ADGRF1: variants seen among roughly 807,000 people sequenced by gnomAD.
ADGRF1 encodes the protein G protein-coupled receptor 110.
Under a neutral mutation model 87.2 loss-of-function variants are expected in ADGRF1, and 85 were observed. The observed-to-expected ratio is 0.97, with a 90% CI of 0.82 to 1.17. The LOEUF is 1.17. Ranked by LOEUF, ADGRF1 falls within the 50% of genes most tolerant of loss-of-function variation. The pLI is 0.00. For synonymous variants in ADGRF1, 430 were observed against 408.8 expected, an observed-to-expected ratio of 1.05 and a Z score of -0.63; for missense variants, 1,169 against 1,077.2, an observed-to-expected ratio of 1.09 and a Z score of -1.19.
In ADGRF1 at chr6:47,016,702, G is replaced by T; in HGVS notation, c.678C>A (p.Ala226=). Residue 226 remains alanine, a synonymous_variant, in exon 8 of 15, where the codon GCC becomes GCA. Transcript: ENST00000371253. ...TAGCCTTCTCGGCAACATGTTCAAT[G>T]GCTGACAGCAGTTCAGATGCACTGC... ...GSSSASELLS[A]IEHVAEKAKT... 1 of 1,612,472 alleles carries T rather than the reference G, an allele frequency of 6.2e-7. No homozygotes were observed. The highest frequency in any genetic ancestry group is 8.5e-7 in the Non-Finnish European group (1 of 1,178,748).
chr6:47,014,676 C>T lies in ADGRF1; in HGVS notation c.927+5G>A. On this transcript the variant is annotated splice_donor_5th_base_variant and intron_variant, in intron 9 of 14. Transcript: ENST00000371253. ...GGGCAAGTCTACACAGTGAAAATGC[C>T]TCACCTTGTTCAGTTCTTCAAGCAG... 6.2e-7 allele frequency: 1 copy of T among 1,612,514 alleles called. No homozygotes were observed. The highest frequency in any genetic ancestry group is 8.5e-7 in the Non-Finnish European group (1 of 1,179,422).
intron 8 of ADGRF1, among the ~76,000 whole-genome samples, chr6:47,015,073 T>G (rs1334965): frequency 0.22 from 32,900 of 152,082 alleles, 3,785 homozygotes; most frequent in South Asian, 0.37. Context: ...TCCTTCCAGG[T>G]GTCCGATCTG....
intron 8 of ADGRF1, among the ~76,000 whole-genome samples, chr6:47,015,837 A>G (rs1247345082): frequency 2.0e-5 from 3 of 151,722 alleles, no homozygotes; most frequent in East Asian, 3.9e-4. Flanking sequence ...ATCTCAGGCA[A>G]TCTGCCCTCT....
chr6:47,022,041 T>G lies in ADGRF1; in HGVS notation c.469A>C (p.Lys157Gln). The change falls in exon 6 of 15, where the codon AAA (lysine) becomes CAA (glutamine). Residue 157 changes from lysine (K) to glutamine (Q), a missense_variant. By Grantham distance (53) the Lys-to-Gln change is moderately conservative. Transcript: ENST00000371253. ...TCATTTGTAAACCTTTCATTAATTT[T>G]GAAAGTGCCCCAAATCTCTGTAGGA... Reference protein sequence around the residue: ...CERTKIWGTFKINERFTNDLL... With the variant: ...CERTKIWGTFQINERFTNDLL... 6.4e-7 allele frequency: 1 copy of G among 1,572,694 alleles called. No homozygotes were observed. The highest frequency in any genetic ancestry group is 8.6e-7 in the Non-Finnish European group (1 of 1,161,516).
intron 7 of ADGRF1, chr6:47,018,304 G>T: frequency 1.0e-6 from 1 of 967,362 alleles, no homozygotes; most frequent in Non-Finnish European, 1.4e-6. Context: ...GATAAGCAGT[G>T]TATCATTCCC....
At chr6:47,020,629 T>C in intron 7 of ADGRF1, 102 bp downstream of exon 7, 6 of 1,579,296 alleles carry the variant, frequency 3.8e-6, no homozygotes, top group Non-Finnish European at 5.2e-6. Flanking sequence ...AGATGACTTC[T>C]GTCCTGTTTT....
At position 47,007,253 on chromosome 6, in the gene ADGRF1, C is replaced by A. The variant is rs1275502103; in HGVS notation, c.2532G>T (p.Lys844Asn). 2 of 1,545,648 alleles carry A rather than the reference C, an allele frequency of 1.3e-6. No homozygotes were observed. The highest frequency in any genetic ancestry group is 1.8e-6 in the Non-Finnish European group (2 of 1,121,108). Residue 844 changes from lysine (K) to asparagine (N), a missense_variant and splice_region_variant, in exon 12 of 15, where the codon AAG becomes AAT. Transcript: ENST00000371253. The stretch of plus-strand genomic sequence containing the variant: ...TAATGAGAGAAATAAATACACATAC[C>A]TTACTGTCCAAGAGTATTCCAAAGC... ...ILCFGILLDS[K>N]LRQLLFNKLS...
rs1779309715 is a variant in ADGRF1 at position 46,999,787 on chromosome 6, T to C, written c.*435A>G. ...CTCTAGGAAATTTGCACTAATAACT[T>C]TTTCCCACCATCCCCCCACCAGTAA... On this transcript the variant is annotated 3_prime_UTR_variant, in exon 15 of 15. Coordinates refer to ENST00000371253, the MANE Select transcript of ADGRF1 (RefSeq NM_153840.4). The C allele has an allele frequency of 6.6e-6, 1 of 152,656 alleles. No homozygotes were observed. Among genetic ancestry groups the C allele is most frequent in the African/African-American group, 2.4e-5 (1 of 41,456 alleles). The allele number at this position is 152,656 out of a possible 1,614,324, so 9.5% of individuals were successfully genotyped here. A position where few individuals can be genotyped will look rare whatever the true frequency, so the allele number is the denominator to read the frequency against.
At position 47,009,735 on chromosome 6, in the gene ADGRF1, G is replaced by A; in HGVS notation, c.1700C>T (p.Thr567Ile). Residue 567 changes from threonine to isoleucine, a missense_variant, in exon 11 of 15, where the codon ACC (threonine) becomes ATC (isoleucine). Physicochemically the swap from Thr to Ile is moderately conservative, Grantham distance 89. Transcript: ENST00000371253. The stretch of plus-strand genomic sequence containing the variant: ...AGGTGACATCAATATGGAGAAGGAG[G>A]TCAAGTGAGTACATTGGCACGTCAC... ...DIVTCQCTHL[T>I]SFSILMSPFV... 6.2e-7 allele frequency: 1 copy of A among 1,614,206 alleles called. No homozygotes were observed. Among genetic ancestry groups the A allele is most frequent in the Non-Finnish European group, 8.5e-7 (1 of 1,180,030 alleles).
At position 47,000,270 on chromosome 6, in the gene ADGRF1, T is replaced by C. The variant is rs770402507; in HGVS notation, c.2685A>G (p.Gly895=). 2 of 1,604,380 alleles carry C rather than the reference T, an allele frequency of 1.2e-6. No individual in the cohort carries two copies. Among genetic ancestry groups the C allele is most frequent in the South Asian group, 2.2e-5 (2 of 90,164 alleles). Residue 895 remains glycine, a synonymous_variant, in exon 15 of 15, where the codon GGA becomes GGG. Coordinates refer to ENST00000371253, the MANE Select transcript of ADGRF1 (RefSeq NM_153840.4). ...TTAGCATGATGTTGTCGGAGGAATCTCCAGTATGAGAAAATGCATAATGGC... is the reference window on the plus strand; with the variant it reads ...TTAGCATGATGTTGTCGGAGGAATCCCCAGTATGAGAAAATGCATAATGGC... The part of the protein sequence containing the change: ...NKGHYAFSHT[G]DSSDNIMLTQ...
intron 1 of ADGRF1, among the ~76,000 whole-genome samples, chr6:47,036,029 G>A (rs1203947812): frequency 1.3e-5 from 2 of 152,086 alleles, no homozygotes; most frequent in East Asian, 1.9e-4. Flanking sequence ...TCAGGAGTTC[G>A]AGACCAGCCT....
In ADGRF1 at chr6:46,999,084, G is replaced by C. The variant is rs1179281434; in HGVS notation, c.*1138C>G. On this transcript the variant is annotated 3_prime_UTR_variant, in exon 15 of 15. Coordinates refer to ENST00000371253, the MANE Select transcript of ADGRF1 (RefSeq NM_153840.4). The stretch of plus-strand genomic sequence containing the variant: ...GGCTCGGGTTCCTCTGGGCACTATG[G>C]TCACGGCTGAAACTCAGGTAGGTGA... 6.6e-6 allele frequency: 1 copy of C among 152,268 alleles called. No individual in the cohort carries two copies. The highest frequency in any genetic ancestry group is 1.5e-5 in the Non-Finnish European group (1 of 68,096). 9.4% of individuals were successfully genotyped at this position (152,268 alleles called of 1,614,324 possible).
At chr6:47,026,096 T>A (rs1780225250) in intron 3 of ADGRF1, 93 bp from the exon 4 acceptor site, 1 of 1,101,966 alleles carries the variant, frequency 9.1e-7, no homozygotes, top group African/African-American at 1.6e-5. Context: ...CAAATTTAGG[T>A]CAGGGACTCT....
intron 7 of ADGRF1, chr6:47,019,059 G>T: frequency 6.1e-6 from 1 of 164,656 alleles, no homozygotes; most frequent in Non-Finnish European, 1.3e-5. Flanking sequence ...GGGCAACAGA[G>T]TGAGACCCCA....
chr6:47,010,275 A>T lies in ADGRF1; in HGVS notation c.1160T>A (p.Val387Glu). The change falls in exon 11 of 15, where the codon GTA (valine) becomes GAA (glutamate). Residue 387 changes from valine to glutamate, a missense_variant. By Grantham distance (121) the Val-to-Glu change is moderately radical. Transcript: ENST00000371253. Reference protein sequence around the residue: ...IADNILNSASVTNWTVLLREE... With the variant: ...IADNILNSASETNWTVLLREE... Reference sequence around the variant, plus strand: ...CCGCAGTAAGACTGTCCAGTTGGTTACTGAGGCTGAATTAAGGATATTGTC... The same window carrying T: ...CCGCAGTAAGACTGTCCAGTTGGTTTCTGAGGCTGAATTAAGGATATTGTC... The T allele has an allele frequency of 6.2e-7, 1 of 1,613,372 alleles. No homozygotes were observed. The highest frequency in any genetic ancestry group is 1.3e-5 in the African/African-American group (1 of 75,026).
intron 3 of ADGRF1, among the ~76,000 whole-genome samples, chr6:47,027,061 G>A (rs1780257040): frequency 6.6e-6 from 1 of 152,316 alleles, no homozygotes; most frequent in Admixed American, 6.5e-5. Flanking sequence ...GAGGGTCAGT[G>A]TGAGGGTTTA....
At chr6:47,025,828 C>T (rs1780211758) in intron 4 of ADGRF1, 26 bp downstream of exon 4, 2 of 1,560,080 alleles carry the variant, frequency 1.3e-6, no homozygotes, top group African/African-American at 1.4e-5. Context: ...CCCATTTATA[C>T]ATCCAGTCAC....
At chr6:47,021,681 A>G (rs1420532332) in intron 6 of ADGRF1, among the ~76,000 whole-genome samples, 1 of 152,192 alleles carries the variant, frequency 6.6e-6, no homozygotes, top group Non-Finnish European at 1.5e-5. Flanking sequence ...TTTTATAAAA[A>G]AATTAAAAGA....
chr6:47,018,157 T>C (rs1346625777), intron 7 of ADGRF1: 1 of 245,044 alleles, frequency 4.1e-6, no homozygotes, highest in Non-Finnish European at 7.9e-6. Context: ...AGTAGGCCGT[T>C]GGTTATTTGA....
Sources: gnomAD v4.1 joint callset for allele counts (sites outside exome capture counted in the v4.1 genomes callset) on GRCh38, gnomAD v4.1.1 for gene constraint, MANE v1.5 for transcripts, NCBI Gene and HGNC (gene_info 2026-07-23, HGNC 2026-07-21) for gene names.